HS2ST1: variants seen among roughly 807,000 people sequenced by gnomAD.
HS2ST1 encodes 2-O-sulfotransferase.
A neutral mutation model predicts 42.9 loss-of-function variants in HS2ST1; 18 were observed. That is an observed-to-expected ratio of 0.42 (90% CI 0.29 to 0.62). The LOEUF is 0.62. Among genes scored for constraint, HS2ST1 ranks in the 20% least tolerant of loss-of-function variants. The pLI is 0.21. For missense variants in HS2ST1, 334 were observed against 433.8 expected (o/e 0.77, Z 2.04); for synonymous variants, 146 against 152.9 (o/e 0.95, Z 0.33).
chr1:86,982,176 C>G (rs1557503328), intron 1 of HS2ST1, among the ~76,000 whole-genome samples: 1 of 152,198 alleles, frequency 6.6e-6, no homozygotes, highest in Non-Finnish European at 1.5e-5. Context: ...AGGGTGCTCT[C>G]CTGGGGCTGC....
intron 1 of HS2ST1, among the ~76,000 whole-genome samples, chr1:87,069,452 T>C: frequency 6.6e-6 from 1 of 152,196 alleles, no homozygotes; most frequent in East Asian, 1.9e-4. Context: ...ATTATAACTA[T>C]CTAATACTTA....
intron 1 of HS2ST1, among the ~76,000 whole-genome samples, chr1:86,938,558 T>C (rs1240333209): frequency 2.0e-5 from 3 of 152,158 alleles, no homozygotes; most frequent in Non-Finnish European, 2.9e-5. Flanking sequence ...TTGATAGTTA[T>C]GGAAAACAGT....
chr1:86,919,052 C>T (rs1379418305), intron 1 of HS2ST1, among the ~76,000 whole-genome samples: 1 of 151,952 alleles, frequency 6.6e-6, no homozygotes, highest in Non-Finnish European at 1.5e-5. Context: ...TTTCGGCTCA[C>T]TCCTGCCTCA....
At chr1:86,932,681 A>C (rs553659135) in intron 1 of HS2ST1, among the ~76,000 whole-genome samples, 3 of 152,270 alleles carry the variant, frequency 2.0e-5, no homozygotes, top group Admixed American at 6.5e-5. Context: ...CACTAAAAGC[A>C]CATGCAGTGT....
intron 1 of HS2ST1, among the ~76,000 whole-genome samples, chr1:86,961,429 C>T (rs890643868): frequency 3.3e-5 from 5 of 151,556 alleles, no homozygotes; most frequent in South Asian, 4.2e-4. Flanking sequence ...AAATGATTAC[C>T]GGAAGGATAG....
intron 1 of HS2ST1, among the ~76,000 whole-genome samples, chr1:86,952,086 A>T (rs544321910): frequency 1.3e-5 from 2 of 152,288 alleles, no homozygotes; most frequent in South Asian, 2.1e-4. Context: ...TCCAAACTTA[A>T]TATTGATATT....
intron 1 of HS2ST1, among the ~76,000 whole-genome samples, chr1:86,916,960 A>G (rs1660171675): frequency 6.6e-6 from 1 of 152,150 alleles, no homozygotes; most frequent in East Asian, 1.9e-4. Context: ...CATAGACACA[A>G]TCTGAATGAT....
intron 2 of HS2ST1, 109 bp downstream of exon 2, chr1:87,073,281 G>A: frequency 4.0e-6 from 3 of 757,238 alleles, no homozygotes; most frequent in Non-Finnish European, 2.3e-6. Context: ...TGATCTCAGT[G>A]GATCATAAGC....
intron 1 of HS2ST1, chr1:86,934,354 C>T (rs914259001): frequency 6.6e-6 from 1 of 152,208 alleles, no homozygotes; most frequent in African/African-American, 2.4e-5. Context: ...ACTTGTGAAT[C>T]TCTGATGGGG....
At chr1:87,051,802 G>A (rs1650839682) in intron 1 of HS2ST1, among the ~76,000 whole-genome samples, 1 of 152,032 alleles carries the variant, frequency 6.6e-6, no homozygotes, top group Non-Finnish European at 1.5e-5. Context: ...TGTTACACAA[G>A]ACAAATGCAA....
chr1:86,917,851 C>G (rs1037244009), intron 1 of HS2ST1, among the ~76,000 whole-genome samples: 2 of 152,072 alleles, frequency 1.3e-5, no homozygotes, highest in Admixed American at 1.3e-4. Flanking sequence ...AACGTCTGCC[C>G]CTTGTTTAGA....
chr1:86,955,296 C>T (rs762403991), intron 1 of HS2ST1, among the ~76,000 whole-genome samples: 7 of 152,212 alleles, frequency 4.6e-5, no homozygotes, highest in South Asian at 2.1e-4. Context: ...CTGACTGGGC[C>T]GCACGTGAGG....
At position 86,992,250 on chromosome 1, in the gene HS2ST1, G is replaced by A. The variant is rs954394000; in HGVS notation, c.124+77090G>A. 2.0e-5 allele frequency among the ~76,000 whole-genome samples: 3 copies of A among 150,236 alleles called. No homozygotes were observed. In the East Asian group the frequency reaches 5.9e-4, roughly 30 times the overall value. On this transcript the variant is annotated intron_variant, in intron 1 of 6. Coordinates refer to ENST00000370550, the MANE Select transcript of HS2ST1 (RefSeq NM_012262.4). ...GAAAAAATTGTCTTCCTCAAAACTGGTCCTGCTGATTTAAGCCTTAAAAAG... is the reference window on the plus strand; with the variant it reads ...GAAAAAATTGTCTTCCTCAAAACTGATCCTGCTGATTTAAGCCTTAAAAAG...
At chr1:86,963,097 G>A (rs1248146354) in intron 1 of HS2ST1, among the ~76,000 whole-genome samples, 4 of 151,666 alleles carry the variant, frequency 2.6e-5, no homozygotes, top group South Asian at 2.1e-4. Context: ...GAGAAAGTTC[G>A]AATTTTTTTT....
chr1:86,937,077 C>G (rs1256391037), intron 1 of HS2ST1, among the ~76,000 whole-genome samples: 1 of 151,772 alleles, frequency 6.6e-6, no homozygotes, highest in Non-Finnish European at 1.5e-5. Flanking sequence ...TGCACTCCAG[C>G]CTGGGCAACA....
intron 1 of HS2ST1, among the ~76,000 whole-genome samples, chr1:86,964,867 ATAG>A (rs1557496515): frequency 6.6e-6 from 1 of 152,154 alleles, no homozygotes; most frequent in Admixed American, 6.5e-5. Context: ...AATGTTAGTA[ATAG>A]TAGATACACT....
chr1:87,083,461 A>G (rs561334178), intron 2 of HS2ST1, among the ~76,000 whole-genome samples: 53 of 152,192 alleles, frequency 3.5e-4, no homozygotes, highest in South Asian at 8.3e-4. Flanking sequence ...ACCATTTTCC[A>G]TTGAGAAATT....
At position 87,073,033 on chromosome 1, in the gene HS2ST1, T is replaced by C; in HGVS notation, c.224T>C (p.Val75Ala). ...ACTTTAGATGAGGAAGAGGACATGG[T>C]GATCATTTATAACAGAGTTCCCAAA... ...DATLDEEEDM[V>A]IIYNRVPKTA... Residue 75 changes from valine (V) to alanine (A), a missense_variant, in exon 2 of 7, where the codon GTG becomes GCG. Physicochemically the swap from Val to Ala is moderately conservative, Grantham distance 64. Coordinates refer to ENST00000370550, the MANE Select transcript of HS2ST1 (RefSeq NM_012262.4). The C allele has an allele frequency of 6.2e-7, 1 of 1,614,028 alleles. No individual in the cohort carries two copies. Among genetic ancestry groups the C allele is most frequent in the South Asian group, 1.1e-5 (1 of 91,086 alleles).
At chr1:86,991,327 C>G (rs1292430164) in intron 1 of HS2ST1, among the ~76,000 whole-genome samples, 1 of 151,984 alleles carries the variant, frequency 6.6e-6, no homozygotes, top group Non-Finnish European at 1.5e-5. Flanking sequence ...CAGGGTGACT[C>G]TAGGGTTCCC....
Sources: gnomAD v4.1 joint callset for allele counts (sites outside exome capture counted in the v4.1 genomes callset) on GRCh38, gnomAD v4.1.1 for gene constraint, MANE v1.5 for transcripts, NCBI Gene and HGNC (gene_info 2026-07-23, HGNC 2026-07-21) for gene names.